Variants in KHDRBS2 observed in about 807,000 individuals in gnomAD.
KHDRBS2 encodes the protein KH domain-containing, RNA-binding, signal transduction-associated protein 2.
In KHDRBS2, 26 loss-of-function variants were observed where a neutral mutation model predicts 44.3. The observed-to-expected ratio is 0.59, with a 90% CI of 0.43 to 0.81. The LOEUF (loss-of-function observed/expected upper bound fraction) is 0.81. Among genes scored for constraint, KHDRBS2 ranks in the 40% least tolerant of loss-of-function variants. The pLI is 0.00. For missense variants in KHDRBS2, 476 were observed against 433.1 expected, an observed-to-expected ratio of 1.10 and a Z score of -0.88; for synonymous variants, 194 against 151.1, an observed-to-expected ratio of 1.28 and a Z score of -2.08.
chr6:62,260,137 G>T (rs1283723279), intron 1 of KHDRBS2, among the ~76,000 whole-genome samples: 1 of 151,848 alleles, frequency 6.6e-6, no homozygotes, highest in African/African-American at 2.4e-5. Flanking sequence ...TCAATGAGAA[G>T]GTAATACTAA....
At chr6:62,053,254 G>C (rs1271426306) in intron 2 of KHDRBS2, among the ~76,000 whole-genome samples, 4 of 150,192 alleles carry the variant, frequency 2.7e-5, no homozygotes, top group Non-Finnish European at 5.9e-5. Flanking sequence ...ATGCACCAGA[G>C]AAAAAAATGG....
chr6:61,935,662 G>A (rs1248583578), intron 4 of KHDRBS2, among the ~76,000 whole-genome samples: 1 of 152,122 alleles, frequency 6.6e-6, no homozygotes, highest in Non-Finnish European at 1.5e-5. Context: ...TAAATCTTCA[G>A]TATTATTTAT....
chr6:62,020,810 A>G (rs1266854536), intron 3 of KHDRBS2, among the ~76,000 whole-genome samples: 2 of 151,984 alleles, frequency 1.3e-5, no homozygotes, highest in Non-Finnish European at 2.9e-5. Flanking sequence ...ACTTTTAACT[A>G]TTTGTTAAAT....
chr6:62,116,510 G>A (rs1806263832), intron 2 of KHDRBS2, among the ~76,000 whole-genome samples: 1 of 151,830 alleles, frequency 6.6e-6, no homozygotes, highest in Admixed American at 6.6e-5. Context: ...ATATTTATGG[G>A]GTACATGTGA....
At chr6:61,785,968 T>G (rs1177116721) in intron 6 of KHDRBS2, among the ~76,000 whole-genome samples, 2 of 152,046 alleles carry the variant, frequency 1.3e-5, no homozygotes, top group African/African-American at 2.4e-5. Flanking sequence ...CTGCTGACTA[T>G]ATCCTTGGCT....
chr6:61,672,732 G>T, the KHDRBS2 span, among the ~76,000 whole-genome samples: 4 of 151,728 alleles, frequency 2.6e-5, no homozygotes, highest in African/African-American at 7.3e-5. Context: ...GTTCATTGTA[G>T]ATTCTGGATA....
chr6:61,921,479 T>G lies in KHDRBS2; in HGVS notation c.484-20108A>C, dbSNP rs149288603. 2.5e-3 allele frequency among the ~76,000 whole-genome samples: 377 copies of G among 152,126 alleles called. 3 individuals are homozygous for G. Among genetic ancestry groups the G allele is most frequent in the African/African-American group, 8.4e-3 (351 of 41,564 alleles). ...ACTCTGGTTGGCAACTTTCCTGGAA[T>G]TTTTAAATTGTTATTACATTTTTTA... is the stretch of plus-strand genomic sequence containing the variant. On this transcript the variant is annotated intron_variant, in intron 4 of 8. Transcript: ENST00000281156.
At chr6:61,634,430 T>C in the KHDRBS2 span, among the ~76,000 whole-genome samples, 1 of 152,054 alleles carries the variant, frequency 6.6e-6, no homozygotes, top group Non-Finnish European at 1.5e-5. Context: ...TGGACTGGGA[T>C]GGATTTCAAT....
At chr6:61,698,605 C>A (rs944868920) in intron 7 of KHDRBS2, among the ~76,000 whole-genome samples, 2 of 152,048 alleles carry the variant, frequency 1.3e-5, no homozygotes, top group African/African-American at 4.8e-5. Context: ...GCTCCCTACT[C>A]AAAATTCACA....
At chr6:61,605,050 C>G in the KHDRBS2 span, among the ~76,000 whole-genome samples, 1 of 152,140 alleles carries the variant, frequency 6.6e-6, no homozygotes, top group African/African-American at 2.4e-5. Flanking sequence ...AAAAACACAC[C>G]TCACCAAGCT....
At chr6:62,282,161 A>G (rs1194630399) in intron 1 of KHDRBS2, among the ~76,000 whole-genome samples, 2 of 152,202 alleles carry the variant, frequency 1.3e-5, no homozygotes, top group Non-Finnish European at 1.5e-5. Flanking sequence ...TAACTAAAAA[A>G]TGGTTCTTAT....
intron 3 of KHDRBS2, among the ~76,000 whole-genome samples, chr6:62,009,575 C>T (rs879315952): frequency 1.2e-4 from 19 of 152,188 alleles, no homozygotes; most frequent in Non-Finnish European, 2.8e-4. Flanking sequence ...ATGGCAGCCG[C>T]TCCCATCACA....
the KHDRBS2 span, among the ~76,000 whole-genome samples, chr6:61,578,602 C>A: frequency 8.5e-5 from 13 of 152,222 alleles, no homozygotes; most frequent in East Asian, 2.3e-3. Flanking sequence ...CTTATAAAAA[C>A]CAAATTGGAT....
At chr6:62,068,350 T>A (rs1198371479) in intron 2 of KHDRBS2, among the ~76,000 whole-genome samples, 1 of 151,496 alleles carries the variant, frequency 6.6e-6, no homozygotes, top group Admixed American at 6.6e-5. Flanking sequence ...AGATTATATA[T>A]CCAGTTTTAA....
intron 6 of KHDRBS2, among the ~76,000 whole-genome samples, chr6:61,756,319 C>T (rs926604721): frequency 3.3e-5 from 5 of 151,868 alleles, no homozygotes; most frequent in South Asian, 4.2e-4. Context: ...TACAGTGGCA[C>T]GATCTTGGCT....
At chr6:62,216,243 A>G (rs1463140641) in intron 1 of KHDRBS2, among the ~76,000 whole-genome samples, 3 of 151,762 alleles carry the variant, frequency 2.0e-5, no homozygotes, top group African/African-American at 7.2e-5. Context: ...GTATGAAAAA[A>G]TTTACATTGC....
At chr6:61,903,561 G>T (rs752109136) in intron 4 of KHDRBS2, among the ~76,000 whole-genome samples, 6 of 152,180 alleles carry the variant, frequency 3.9e-5, no homozygotes, top group Non-Finnish European at 7.3e-5. Flanking sequence ...GGGGAAGAGA[G>T]AGAGGAAGAG....
intron 2 of KHDRBS2, among the ~76,000 whole-genome samples, chr6:62,121,329 C>A (rs1807581876): frequency 6.6e-6 from 1 of 152,238 alleles, no homozygotes; most frequent in South Asian, 2.1e-4. Context: ...GTGCCACCAT[C>A]AAGGACTTGA....
chr6:61,613,051 A>G, the KHDRBS2 span, among the ~76,000 whole-genome samples: 1 of 151,868 alleles, frequency 6.6e-6, no homozygotes, highest in Non-Finnish European at 1.5e-5. Context: ...ACGGGGTTTC[A>G]CCATATTAGC....
Sources: allele counts gnomAD v4.1 joint callset (sites outside exome capture counted in the v4.1 genomes callset), GRCh38; gene constraint gnomAD v4.1.1; transcripts MANE v1.5; gene names NCBI Gene and HGNC (gene_info 2026-07-23, HGNC 2026-07-21).